ANKRD30A: variants seen among roughly 807,000 people sequenced by gnomAD.
ANKRD30A encodes the protein ankyrin repeat domain 30A, also known as ankyrin repeat domain-containing protein 30A.
In ANKRD30A, 170 loss-of-function variants were observed where a neutral mutation model predicts 166.3. The ratio of observed to expected loss-of-function variants is 1.02; its 90% CI spans 0.90 to 1.16. The LOEUF (loss-of-function observed/expected upper bound fraction) is 1.16, where lower values mean the gene tolerates loss of function less well. ANKRD30A is among the 50% of genes most tolerant of loss of function. The pLI, the probability that ANKRD30A is intolerant of heterozygous loss-of-function variation, is 0.00. For missense variants in ANKRD30A, 1,630 were observed against 1,518.0 expected, an observed-to-expected ratio of 1.07 and a Z score of -1.23; for synonymous variants, 564 against 508.9, an observed-to-expected ratio of 1.11 and a Z score of -1.46.
In ANKRD30A at chr10:37,137,308, G is replaced by A. The variant is rs528268738; in HGVS notation, c.820+637G>A. Among the ~76,000 whole-genome samples, 217 of 152,260 alleles carry A rather than the reference G, an allele frequency of 1.4e-3. 1 individual carries two copies. The highest frequency in any genetic ancestry group is 5.1e-3 in the African/African-American group (212 of 41,562). The stretch of plus-strand genomic sequence containing the variant: ...TCCCAGCGTGAGCAACGCAGAAAGG[G>A]ATGGGTGATTTCTGCATTTCCAACT... On this transcript the variant is annotated intron_variant, in intron 6 of 35. Coordinates refer to ENST00000361713, the MANE Select transcript of ANKRD30A (RefSeq NM_052997.3).
intron 29 of ANKRD30A, among the ~76,000 whole-genome samples, 187 bp downstream of exon 29, chr10:37,197,667 A>T (rs939505698): frequency 1.6e-4 from 24 of 152,132 alleles, no homozygotes; most frequent in East Asian, 7.7e-4. Flanking sequence ...TATTTTTTTT[A>T]AAAAATGTAG....
chr10:37,192,390 G>T (rs894441059), intron 25 of ANKRD30A, among the ~76,000 whole-genome samples: 1 of 151,966 alleles, frequency 6.6e-6, no homozygotes, highest in Non-Finnish European at 1.5e-5. Flanking sequence ...TGTATAAGTG[G>T]ATCAGGAAAT....
intron 31 of ANKRD30A, among the ~76,000 whole-genome samples, chr10:37,208,206 T>G (rs527830343): frequency 1.3e-5 from 2 of 152,264 alleles, no homozygotes; most frequent in East Asian, 3.9e-4. Flanking sequence ...TGCAATTCAC[T>G]AAGAGCTTTT....
chr10:37,130,438 A>G, intron 3 of ANKRD30A, 60 bp downstream of exon 3: 4 of 1,303,844 alleles, frequency 3.1e-6, no homozygotes, highest in South Asian at 2.2e-5. Context: ...TAACATTAAC[A>G]TATGTAAGGT....
At chr10:37,126,996 G>A (rs1163368428) in intron 1 of ANKRD30A, among the ~76,000 whole-genome samples, 1 of 119,202 alleles carries the variant, frequency 8.4e-6, no homozygotes, top group Non-Finnish European at 1.6e-5. Context: ...GCAGAGAGCC[G>A]AGATCCCACC....
At chr10:37,212,837 C>CT (rs925890975) in intron 31 of ANKRD30A, among the ~76,000 whole-genome samples, 14 of 150,204 alleles carry the variant, frequency 9.3e-5, no homozygotes, top group Middle Eastern at 3.5e-3. Context: ...TTCCCCATTG[C>CT]TTTTTTTTTC....
At position 37,142,197 on chromosome 10, in the gene ANKRD30A, G is replaced by A. The variant is rs1464767715; in HGVS notation, c.1300G>A (p.Val434Ile). The stretch of plus-strand genomic sequence containing the variant: ...TGTAAAGACTGGATGCGTGGCAAGA[G>A]TAACATCTAATAAAACTAAAGTTTT... ...TPVKTGCVAR[V>I]TSNKTKVLEK... Residue 434 changes from valine (V) to isoleucine (I), a missense_variant, in exon 7 of 36, where the codon GTA becomes ATA. Val to Ile is a conservative substitution (Grantham distance 29). Transcript: ENST00000361713. 6 of 1,613,548 alleles carry A rather than the reference G, an allele frequency of 3.7e-6. No individual in the cohort carries two copies. The highest frequency in any genetic ancestry group is 1.7e-5 in the Admixed American group (1 of 59,912).
chr10:37,179,035 T>C (rs1316861436), intron 24 of ANKRD30A, among the ~76,000 whole-genome samples: 1,537 of 57,018 alleles, frequency 0.027, 15 homozygotes, highest in African/African-American at 0.066. Flanking sequence ...TATATATATA[T>C]ATATATATAT....
rs371443557 is a variant in ANKRD30A at position 37,142,082 on chromosome 10, T to G, written c.1185T>G (p.Ile395Met). ...WEKKEDTPREIMSPAKETSEK... is the reference protein window; with the variant it reads ...WEKKEDTPREMMSPAKETSEK... ...AAAAAGAAGACACACCTAGGGAAAT[T>G]ATGAGTCCCGCAAAAGAAACATCTG... The change falls in exon 7 of 36, where the codon ATT becomes ATG. Residue 395 changes from isoleucine (I) to methionine (M), a missense_variant. Physicochemically the swap from Ile to Met is conservative, Grantham distance 10. Around this residue, in one of 4 missense-constraint regions of ANKRD30A, gnomAD observed 904 missense variants for 818.5 expected, o/e 1.10. Coordinates refer to ENST00000361713, the MANE Select transcript of ANKRD30A (RefSeq NM_052997.3). 3.1e-6 allele frequency: 5 copies of G among 1,612,012 alleles called. No individual in the cohort carries two copies. In the African/African-American group the frequency reaches 6.7e-5, roughly 22 times the overall value.
Position 37,162,629 on chromosome 10 carries a change from A to G in ANKRD30A, c.1901-20A>G. On this transcript the variant is annotated intron_variant, in intron 15 of 35. Transcript: ENST00000361713. ...GTCATATTTACATATGATTGATGAT[A>G]AATCTCTTTTGCTTTTTAGAGCCTC... is the stretch of plus-strand genomic sequence containing the variant. The G allele has an allele frequency of 6.2e-7, 1 of 1,611,880 alleles. No homozygotes were observed. The highest frequency in any genetic ancestry group is 8.5e-7 in the Non-Finnish European group (1 of 1,179,646).
rs190042196 is a variant in ANKRD30A, at chr10:37,162,597, T to G, written c.1901-52T>G. 6.9e-6 allele frequency: 11 copies of G among 1,604,004 alleles called. No homozygotes were observed. The Admixed American group carries it at 1.3e-4, about 19-fold the overall frequency. ...ATACTATCACGGCATTCATTTGTGG[T>G]TGGCTTGTCATATTTACATATGATT... On this transcript the variant is annotated intron_variant, in intron 15 of 35. Transcript: ENST00000361713.
intron 27 of ANKRD30A, among the ~76,000 whole-genome samples, chr10:37,196,093 A>ATTTATTTTTTTTTTTTTT (rs1554823849): frequency 7.7e-6 from 1 of 129,458 alleles, no homozygotes; most frequent in Non-Finnish European, 1.6e-5. Context: ...TATATTTTCT[A>ATTTATTTTTTTTTTTTTT]TTTTTTTTTT....
intron 34 of ANKRD30A, among the ~76,000 whole-genome samples, chr10:37,223,499 G>A (rs1181092574): frequency 6.6e-6 from 1 of 151,070 alleles, no homozygotes; most frequent in African/African-American, 2.4e-5. Context: ...ATGCTTTGAG[G>A]GCATCTTTGG....
At chr10:37,144,958 T>A in intron 7 of ANKRD30A, 37 bp from the exon 8 acceptor site, 2 of 1,424,310 alleles carry the variant, frequency 1.4e-6, no homozygotes, top group South Asian at 1.3e-5. Flanking sequence ...TAATAAGAAA[T>A]GTTATCATGA....
the ANKRD30A span, among the ~76,000 whole-genome samples, chr10:37,251,160 C>A: frequency 6.6e-6 from 1 of 152,118 alleles, no homozygotes; most frequent in Admixed American, 6.5e-5. Flanking sequence ...GAAAAACATA[C>A]AATCTGGCAA....
At chr10:37,135,047 T>A (rs552034545) in intron 5 of ANKRD30A, among the ~76,000 whole-genome samples, 1 of 152,350 alleles carries the variant, frequency 6.6e-6, no homozygotes, top group South Asian at 2.1e-4. Flanking sequence ...CAAGTGATTC[T>A]TTTTTCCTAA....
chr10:37,190,285 G>C (rs1840431705), intron 25 of ANKRD30A, among the ~76,000 whole-genome samples: 1 of 151,840 alleles, frequency 6.6e-6, no homozygotes, highest in Non-Finnish European at 1.5e-5. Flanking sequence ...TGCTGATGCT[G>C]GTGGTCCTTG....
intron 15 of ANKRD30A, among the ~76,000 whole-genome samples, chr10:37,159,328 T>A (rs1488973985): frequency 1.3e-5 from 2 of 151,972 alleles, no homozygotes; most frequent in African/African-American, 4.8e-5. Flanking sequence ...ACCAGCCTGG[T>A]CAAATTAGTG....
At chr10:37,250,062 G>A in the ANKRD30A span, among the ~76,000 whole-genome samples, 7 of 152,028 alleles carry the variant, frequency 4.6e-5, no homozygotes, top group Non-Finnish European at 1.0e-4. Context: ...GATGTAAGAG[G>A]CTCTCTGAGA....
Sources: gnomAD v4.1 joint callset for allele counts (sites outside exome capture counted in the v4.1 genomes callset) on GRCh38, gnomAD v4.1.1 for gene constraint, gnomAD v4.1.1 regional missense constraint, MANE v1.5 for transcripts, NCBI Gene and HGNC (gene_info 2026-07-23, HGNC 2026-07-21) for gene names.